FHIT: variants seen among roughly 807,000 people sequenced by gnomAD.
The protein encoded by FHIT is fragile histidine triad diadenosine triphosphatase.
Under a neutral mutation model 17.9 loss-of-function variants are expected in FHIT, and 19 were observed. The ratio of observed to expected loss-of-function variants is 1.06; its 90% CI spans 0.74 to 1.56. The LOEUF is 1.56. Among genes scored for constraint, FHIT ranks in the 40% most tolerant of loss-of-function variants. FHIT has a pLI of 0.00. For missense variants in FHIT, 248 were observed against 189.2 expected (o/e 1.31, Z -1.82); for synonymous variants, 81 against 69.7 (o/e 1.16, Z -0.81).
intron 4 of FHIT, among the ~76,000 whole-genome samples, chr3:60,812,049 C>A (rs1233710831): frequency 6.6e-6 from 1 of 152,122 alleles, no homozygotes; most frequent in African/African-American, 2.4e-5. Context: ...TAAAATTCTG[C>A]CCCAGGCTAG....
At chr3:60,049,093 A>G (rs1701769506) in intron 5 of FHIT, among the ~76,000 whole-genome samples, 1 of 152,198 alleles carries the variant, frequency 6.6e-6, no homozygotes, top group Non-Finnish European at 1.5e-5. Context: ...CCCTATAGAC[A>G]TAGGCTTACT....
intron 4 of FHIT, among the ~76,000 whole-genome samples, chr3:60,692,788 G>A (rs2041023243): frequency 6.6e-6 from 1 of 152,158 alleles, no homozygotes. Flanking sequence ...CCATTTATTT[G>A]AGTAACCACT....
intron 2 of FHIT, among the ~76,000 whole-genome samples, chr3:61,134,087 T>TCACACACACA (rs1213911703): frequency 1.2e-4 from 5 of 42,588 alleles, no homozygotes; most frequent in African/African-American, 2.1e-4. Context: ...AGACTCTGTC[T>TCACACACACA]CACACACACA....
chr3:60,949,184 C>T (rs6772908), intron 3 of FHIT, among the ~76,000 whole-genome samples: 35,565 of 151,986 alleles, frequency 0.23, 4,489 homozygotes, highest in African/African-American at 0.33. Context: ...TATTCTCAAG[C>T]GAAGGAAGGG....
chr3:60,610,077 T>A (rs1033294283), intron 4 of FHIT, among the ~76,000 whole-genome samples: 1 of 152,260 alleles, frequency 6.6e-6, no homozygotes, highest in East Asian at 1.9e-4. Context: ...ATAAACTACA[T>A]TATTATTATA....
intron 2 of FHIT, among the ~76,000 whole-genome samples, chr3:61,042,437 GAAAC>G (rs1377471296): frequency 2.0e-5 from 3 of 152,122 alleles, no homozygotes; most frequent in Non-Finnish European, 4.4e-5. Context: ...GGGTATAAAA[GAAAC>G]AAAACTGGCC....
intron 8 of FHIT, among the ~76,000 whole-genome samples, chr3:59,766,378 A>G (rs536222921): frequency 1.3e-5 from 2 of 152,344 alleles, no homozygotes; most frequent in South Asian, 4.1e-4. Context: ...CATTTGCCAT[A>G]TAAAAGTACT....
intron 8 of FHIT, among the ~76,000 whole-genome samples, chr3:59,753,755 C>A (rs1056667315): frequency 6.6e-6 from 1 of 152,102 alleles, no homozygotes; most frequent in Admixed American, 6.5e-5. Flanking sequence ...CTACTTAACC[C>A]CATGTTACTG....
At chr3:60,810,174 C>T (rs1701530966) in intron 4 of FHIT, among the ~76,000 whole-genome samples, 1 of 152,160 alleles carries the variant, frequency 6.6e-6, no homozygotes. Flanking sequence ...AGAAAATGAG[C>T]CCTTCCCTTT....
chr3:60,037,232 G>C (rs1035890400), intron 5 of FHIT, among the ~76,000 whole-genome samples: 6 of 152,012 alleles, frequency 3.9e-5, no homozygotes, highest in Admixed American at 2.6e-4. Context: ...TGTGTAGTCT[G>C]AGTTGAACCT....
At chr3:60,945,932 T>C (rs1708621998) in intron 3 of FHIT, among the ~76,000 whole-genome samples, 1 of 151,998 alleles carries the variant, frequency 6.6e-6, no homozygotes, top group Admixed American at 6.6e-5. Flanking sequence ...GAACAGAGGA[T>C]CCACTGCAGT....
chr3:60,063,421 AT>A (rs1203718894), intron 5 of FHIT, among the ~76,000 whole-genome samples: 1 of 152,164 alleles, frequency 6.6e-6, no homozygotes, highest in Non-Finnish European at 1.5e-5. Context: ...GTCCATCCAA[AT>A]TCACATTGGT....
chr3:60,662,707 G>A lies in FHIT; in HGVS notation c.-17-125728C>T, dbSNP rs906380017. ...ATGGGATATGTTTCCATTTGTTTGC[G>A]TCATCTATGATTTCCTTAAGTAGTG... is the stretch of plus-strand genomic sequence containing the variant. On this transcript the variant is annotated intron_variant, in intron 4 of 9. Coordinates refer to ENST00000492590, the MANE Select transcript of FHIT (RefSeq NM_002012.4). Among the ~76,000 whole-genome samples the A allele has an allele frequency of 5.9e-5, 9 of 151,982 alleles. No individual in the cohort carries two copies. The East Asian group carries it at 7.7e-4, about 13-fold the overall frequency.
At chr3:60,885,141 G>A (rs2107145484) in intron 3 of FHIT, among the ~76,000 whole-genome samples, 1 of 152,066 alleles carries the variant, frequency 6.6e-6, no homozygotes, top group East Asian at 1.9e-4. Context: ...GCACAGCAGG[G>A]TGATTATAGT....
In FHIT at chr3:60,390,422, A is replaced by C. The variant is rs1352544290; in HGVS notation, c.103+146438T>G. 1.8e-4 allele frequency among the ~76,000 whole-genome samples: 20 copies of C among 113,484 alleles called. 2 individuals are homozygous for C. Among genetic ancestry groups the C allele is most frequent in the Admixed American group, 2.9e-4 (3 of 10,490 alleles). The allele number at this position is 113,484 out of a possible 152,430, so 74.4% of individuals were successfully genotyped here. A position where few individuals can be genotyped will look rare whatever the true frequency, so the allele number is the denominator to read the frequency against. On this transcript the variant is annotated intron_variant, in intron 5 of 9. Coordinates refer to ENST00000492590, the MANE Select transcript of FHIT (RefSeq NM_002012.4). ...AAAAAAAAAAAAAAAAAAAAAAAAA[A>C]AAAAAACCCGTACCCTCTAGTATTT...
At chr3:59,937,526 C>A (rs151244360) in intron 7 of FHIT, among the ~76,000 whole-genome samples, 2 of 152,152 alleles carry the variant, frequency 1.3e-5, no homozygotes, top group Non-Finnish European at 2.9e-5. Context: ...GAATAAATAT[C>A]TCTGGGCCCA....
rs35009509 is a variant in FHIT at position 61,203,471 on chromosome 3, CT to C, written c.-212-2807del. On this transcript the variant is annotated intron_variant, in intron 1 of 9. Transcript: ENST00000492590. ...ATTGTTTAGTGCTCACAGTAGTTTA[CT>C]TTTGCCAAAAGAAATACTAAAATAA... is the stretch of plus-strand genomic sequence containing the variant. Among the ~76,000 whole-genome samples, 3 of 151,514 alleles carry C rather than the reference CT, an allele frequency of 2.0e-5. No homozygotes were observed. In the East Asian group the frequency reaches 5.8e-4, roughly 29 times the overall value.
At chr3:60,425,555 G>C (rs1019371790) in intron 5 of FHIT, among the ~76,000 whole-genome samples, 2 of 151,866 alleles carry the variant, frequency 1.3e-5, no homozygotes, top group East Asian at 3.9e-4. Context: ...AGAAAATGAA[G>C]ATTTTAACAC....
chr3:59,848,507 T>A (rs1701807550), intron 8 of FHIT, among the ~76,000 whole-genome samples: 1 of 152,190 alleles, frequency 6.6e-6, no homozygotes, highest in South Asian at 2.1e-4. Context: ...TCTTCTAAAA[T>A]AATATTTAGA....
Sources: gnomAD v4.1 joint callset for allele counts (sites outside exome capture counted in the v4.1 genomes callset) on GRCh38, gnomAD v4.1.1 for gene constraint, MANE v1.5 for transcripts, NCBI Gene and HGNC (gene_info 2026-07-23, HGNC 2026-07-21) for gene names.